LIMA1: variants seen among roughly 807,000 people sequenced by gnomAD.
LIMA1 encodes LIM domain and actin-binding protein 1.
In LIMA1, 52 loss-of-function variants were observed where a neutral mutation model predicts 62.6. That is an observed-to-expected ratio of 0.83 (90% confidence interval 0.67 to 1.05). The LOEUF (loss-of-function observed/expected upper bound fraction) is 1.05. Among genes scored for constraint, LIMA1 ranks in the 50% least tolerant of loss-of-function variants. The pLI is 0.00. For synonymous variants in LIMA1, 302 were observed against 317.8 expected (o/e 0.95, Z 0.53); for missense variants, 780 against 902.2 (o/e 0.86, Z 1.74).
chr12:50,213,187 T>C (rs1941287808), intron 4 of LIMA1, among the ~76,000 whole-genome samples: 1 of 152,272 alleles, frequency 6.6e-6, no homozygotes. Context: ...CATTCCAATG[T>C]ATTCCTTCTG....
chr12:50,197,292 A>G (rs1042700117), intron 7 of LIMA1, among the ~76,000 whole-genome samples: 37 of 150,464 alleles, frequency 2.5e-4, no homozygotes, highest in African/African-American at 9.1e-4. Context: ...ATGGTCTCAG[A>G]CTCCTGACCT....
intron 9 of LIMA1, chr12:50,188,898 C>T (rs1379921635): frequency 6.6e-6 from 1 of 152,298 alleles, no homozygotes; most frequent in Non-Finnish European, 1.5e-5. Context: ...GAATCCATCA[C>T]CAAGTTAGAT....
intron 2 of LIMA1, among the ~76,000 whole-genome samples, chr12:50,243,759 A>G (rs1404832755): frequency 3.3e-5 from 5 of 152,220 alleles, no homozygotes; most frequent in Admixed American, 3.3e-4. Context: ...TCCATGTGTT[A>G]AGCACATCAG....
At chr12:50,224,857 G>C (rs958735102) in intron 3 of LIMA1, among the ~76,000 whole-genome samples, 3 of 150,574 alleles carry the variant, frequency 2.0e-5, no homozygotes, top group African/African-American at 4.9e-5. Flanking sequence ...TCAGCCTCCT[G>C]AGTAGCTAGG....
At chr12:50,281,683 A>G (rs1942341732) in intron 1 of LIMA1, among the ~76,000 whole-genome samples, 1 of 152,222 alleles carries the variant, frequency 6.6e-6, no homozygotes, top group Non-Finnish European at 1.5e-5. Flanking sequence ...GTCTAATCCC[A>G]TTTTCCATAG....
chr12:50,263,859 A>ATATATATATATATATAGAGAGAG lies in LIMA1; in HGVS notation c.-23-15086_-23-15085insCTCTCTCTATATATATATATATA, dbSNP rs1565863074. On this transcript the variant is annotated intron_variant, in intron 1 of 10. Coordinates refer to ENST00000341247, the MANE Select transcript of LIMA1 (RefSeq NM_016357.5). The stretch of plus-strand genomic sequence containing the variant: ...GTATATATATATATATATAGAGAGT[A>ATATATATATATATATAGAGAGAG]TATATATATATATATATAAAGTATA... Among the ~76,000 whole-genome samples the ATATATATATATATATAGAGAGAG allele has an allele frequency of 6.7e-5, 5 of 74,884 alleles. 1 individual carries two copies. The highest frequency in any genetic ancestry group is 1.5e-4 in the Non-Finnish European group (5 of 33,878). The allele number at this position is 74,884 out of a possible 152,430, so 49.1% of individuals were successfully genotyped here.
chr12:50,267,042 G>A (rs1942147159), intron 1 of LIMA1, among the ~76,000 whole-genome samples: 2 of 151,488 alleles, frequency 1.3e-5, no homozygotes, highest in South Asian at 2.1e-4. Context: ...TTACCGGGGC[G>A]TGCCACCATG....
chr12:50,261,037 A>G lies in LIMA1; in HGVS notation c.-23-12263T>C, dbSNP rs140058332. On this transcript the variant is annotated intron_variant, in intron 1 of 10. Transcript: ENST00000341247. The stretch of plus-strand genomic sequence containing the variant: ...TTTGTCTTTTGCTTTTCTGCCATCT[A>G]GTATATTTTTTTTTTTTTTTTTTTT... 9.9e-3 allele frequency among the ~76,000 whole-genome samples: 718 copies of G among 72,334 alleles called. 25 individuals carry two copies. The highest frequency in any genetic ancestry group is 0.037 in the African/African-American group (676 of 18,092). 47.5% of individuals were successfully genotyped at this position (72,334 alleles called of 152,430 possible).
At chr12:50,271,146 C>T (rs1942207224) in intron 1 of LIMA1, among the ~76,000 whole-genome samples, 1 of 152,182 alleles carries the variant, frequency 6.6e-6, no homozygotes, top group Admixed American at 6.5e-5. Flanking sequence ...TGGCTTACGC[C>T]TGTAATCCCA....
chr12:50,200,076 T>G (rs2004283), intron 7 of LIMA1, among the ~76,000 whole-genome samples: 103,587 of 151,568 alleles, frequency 0.68, 37,045 homozygotes, highest in East Asian at 0.9. Flanking sequence ...TGTATTTTTA[T>G]TAGAGACGGG....
At chr12:50,261,574 A>G (rs960757381) in intron 1 of LIMA1, among the ~76,000 whole-genome samples, 18 of 152,072 alleles carry the variant, frequency 1.2e-4, no homozygotes, top group Non-Finnish European at 2.1e-4. Context: ...CTTGGGTGAC[A>G]CTTTGTTCCA....
Position 50,201,380 on chromosome 12 carries a change from G to C in LIMA1, c.865-496C>G, listed in dbSNP as rs531103908. ...TATAAAAACTGAAATTATATTTAAT[G>C]ATACCATAAAGAAACCTTTTTGGTG... On this transcript the variant is annotated intron_variant, in intron 6 of 10. Transcript: ENST00000341247. 7.4e-5 allele frequency: 73 copies of C among 983,602 alleles called. No individual in the cohort carries two copies. The African/African-American group carries it at 1.1e-3, about 15-fold the overall frequency. 60.9% of individuals were successfully genotyped at this position (983,602 alleles called of 1,614,324 possible).
At chr12:50,261,040 A>ATTTT (rs1394809506) in intron 1 of LIMA1, among the ~76,000 whole-genome samples, 4 of 48,914 alleles carry the variant, frequency 8.2e-5, no homozygotes, top group Admixed American at 3.1e-4. Flanking sequence ...GCCATCTAGT[A>ATTTT]TATTTTTTTT....
chr12:50,223,998 A>T (rs1941489988), intron 3 of LIMA1, among the ~76,000 whole-genome samples: 1 of 152,096 alleles, frequency 6.6e-6, no homozygotes, highest in Admixed American at 6.6e-5. Flanking sequence ...AAATCGCGCC[A>T]CTGCACTCCA....
chr12:50,178,794 G>GA (rs1940414067), intron 10 of LIMA1, among the ~76,000 whole-genome samples: 1 of 151,940 alleles, frequency 6.6e-6, no homozygotes, highest in Non-Finnish European at 1.5e-5. Flanking sequence ...GGTCTTATAT[G>GA]AAAAATGTCA....
At chr12:50,273,700 A>G (rs1299827052) in intron 1 of LIMA1, among the ~76,000 whole-genome samples, 1 of 152,206 alleles carries the variant, frequency 6.6e-6, no homozygotes, top group East Asian at 1.9e-4. Context: ...TAATCAGTAC[A>G]CTGTCTAAAC....
intron 1 of LIMA1, among the ~76,000 whole-genome samples, chr12:50,251,169 G>GT (rs755445503): frequency 6.6e-6 from 1 of 151,864 alleles, no homozygotes; most frequent in Non-Finnish European, 1.5e-5. Flanking sequence ...AACTATCATA[G>GT]TTTTTTTTAA....
intron 2 of LIMA1, among the ~76,000 whole-genome samples, chr12:50,239,750 C>T (rs1234614812): frequency 1.3e-5 from 2 of 152,144 alleles, no homozygotes; most frequent in East Asian, 3.9e-4. Flanking sequence ...GATCCCAGCA[C>T]TTTGGGAGGC....
chr12:50,251,348 C>T (rs944840562), intron 1 of LIMA1, among the ~76,000 whole-genome samples: 4 of 152,008 alleles, frequency 2.6e-5, no homozygotes, highest in Non-Finnish European at 5.9e-5. Context: ...AGGCCAGGCA[C>T]GGTGGCTCAC....
Sources: gnomAD v4.1 joint callset for allele counts (sites outside exome capture counted in the v4.1 genomes callset) on GRCh38, gnomAD v4.1.1 for gene constraint, MANE v1.5 for transcripts, NCBI Gene and HGNC (gene_info 2026-07-23, HGNC 2026-07-21) for gene names.